The following ALDH8A1 variants were observed in gnomAD, a reference collection of about 807,000 sequenced individuals.
The protein encoded by ALDH8A1 is aldehyde dehydrogenase 8 family member A1.
In ALDH8A1, 39 loss-of-function variants were observed where a neutral mutation model predicts 43.3. That is an observed-to-expected ratio of 0.90 (90% CI 0.70 to 1.18). The LOEUF (loss-of-function observed/expected upper bound fraction) is 1.18. ALDH8A1 is among the 50% of genes most tolerant of loss of function. The pLI, the probability that ALDH8A1 is intolerant of heterozygous loss-of-function variation, is 0.00. For synonymous variants in ALDH8A1, 233 were observed against 243.5 expected, an observed-to-expected ratio of 0.96 and a Z score of 0.40; for missense variants, 605 against 622.6, an observed-to-expected ratio of 0.97 and a Z score of 0.30.
intron 1 of ALDH8A1, among the ~76,000 whole-genome samples, chr6:134,945,715 T>G (rs1353050959): frequency 1.3e-5 from 2 of 152,132 alleles, no homozygotes; most frequent in Non-Finnish European, 2.9e-5. Context: ...CGTGAGCATC[T>G]TTTTTGGGGC....
intron 1 of ALDH8A1, among the ~76,000 whole-genome samples, chr6:134,947,878 G>A (rs1171888265): frequency 1.3e-5 from 2 of 151,680 alleles, no homozygotes; most frequent in Non-Finnish European, 2.9e-5. Flanking sequence ...ACAACAGTAT[G>A]ATCCAGCAAT....
chr6:134,947,286 T>C (rs1222331889), intron 1 of ALDH8A1, among the ~76,000 whole-genome samples: 2 of 152,068 alleles, frequency 1.3e-5, no homozygotes, highest in Non-Finnish European at 2.9e-5. Flanking sequence ...TAAGAAAACA[T>C]AGGGTAAATA....
At chr6:134,930,724 G>C (rs952494848) in intron 5 of ALDH8A1, among the ~76,000 whole-genome samples, 1 of 152,226 alleles carries the variant, frequency 6.6e-6, no homozygotes, top group Non-Finnish European at 1.5e-5. Flanking sequence ...CAGGGAAGGA[G>C]AGCATGACGA....
At chr6:134,920,711 C>G (rs979871346) in intron 6 of ALDH8A1, among the ~76,000 whole-genome samples, 5 of 152,062 alleles carry the variant, frequency 3.3e-5, no homozygotes. Context: ...TCTACCCCAG[C>G]AGCTTGGGAA....
In ALDH8A1 at chr6:134,918,506, C is replaced by T; in HGVS notation, c.1373G>A (p.Gly458Glu). ...ACCTATTCCAGAACTCTTCATCCCC[C>T]CGAAAGGAAGGTTCAGCTCCCTGAT... is the stretch of plus-strand genomic sequence containing the variant. ...WLIRELNLPF[G>E]GMKSSGIGRE... Residue 458 changes from glycine (G) to glutamate (E), a missense_variant, in exon 7 of 7, where the codon GGG (glycine) becomes GAG (glutamate). Gly to Glu is a moderately conservative substitution (Grantham distance 98). Transcript: ENST00000265605. 3 of 1,614,168 alleles carry T rather than the reference C, an allele frequency of 1.9e-6. No homozygotes were observed. Among genetic ancestry groups the T allele is most frequent in the Non-Finnish European group, 2.5e-6 (3 of 1,180,038 alleles).
intron 6 of ALDH8A1, among the ~76,000 whole-genome samples, chr6:134,920,864 C>T (rs1482217920): frequency 1.3e-5 from 2 of 152,094 alleles, no homozygotes; most frequent in Non-Finnish European, 2.9e-5. Context: ...AGTCAGAGTA[C>T]AGGGGTTAGA....
chr6:134,948,351 A>T (rs564326716), intron 1 of ALDH8A1, among the ~76,000 whole-genome samples: 7 of 152,304 alleles, frequency 4.6e-5, no homozygotes, highest in African/African-American at 1.7e-4. Flanking sequence ...TTTATTGTAT[A>T]TTTCACAATA....
At chr6:134,943,560 C>G (rs1773898343) in intron 2 of ALDH8A1, among the ~76,000 whole-genome samples, 1 of 152,226 alleles carries the variant, frequency 6.6e-6, no homozygotes, top group Non-Finnish European at 1.5e-5. Flanking sequence ...TTCCTTTCAT[C>G]CAATGAACAG....
chr6:134,937,386 C>A (rs1293535565), intron 4 of ALDH8A1, among the ~76,000 whole-genome samples: 1 of 152,166 alleles, frequency 6.6e-6, no homozygotes, highest in Non-Finnish European at 1.5e-5. Flanking sequence ...AAACTGAGGG[C>A]TCAAGAGAGG....
In ALDH8A1 at chr6:134,929,047, T is replaced by C. The variant is rs749735779; in HGVS notation, c.1011+7A>G. On this transcript the variant is annotated splice_region_variant and intron_variant, in intron 6 of 6. Coordinates refer to ENST00000265605, the MANE Select transcript of ALDH8A1 (RefSeq NM_022568.4). Reference sequence around the variant, plus strand: ...TTCTGTAACTTACATGGCAGAAATTTACTTACTTTCTCCAAATGTGCTTTA... The same window carrying C: ...TTCTGTAACTTACATGGCAGAAATTCACTTACTTTCTCCAAATGTGCTTTA... 6.2e-7 allele frequency: 1 copy of C among 1,613,064 alleles called. No individual in the cohort carries two copies. Among genetic ancestry groups the C allele is most frequent in the Non-Finnish European group, 8.5e-7 (1 of 1,179,550 alleles).
chr6:134,930,852 C>T (rs914640942), intron 5 of ALDH8A1, among the ~76,000 whole-genome samples: 8 of 152,188 alleles, frequency 5.3e-5, no homozygotes, highest in African/African-American at 1.9e-4. Context: ...CAGTATCATT[C>T]GTTGAGTGCC....
intron 6 of ALDH8A1, among the ~76,000 whole-genome samples, chr6:134,926,521 C>T (rs1353016193): frequency 1.3e-5 from 2 of 152,018 alleles, no homozygotes; most frequent in African/African-American, 2.4e-5. Context: ...TTAAAAAAGG[C>T]AGTGTGGCCA....
At position 134,918,058 on chromosome 6, in the gene ALDH8A1, T is replaced by C; in HGVS notation, c.*357A>G. ...GATTATAGGCATGAGGCACTGTGCC[T>C]GATTGCATATTTTTTAAAATTTACC... On this transcript the variant is annotated 3_prime_UTR_variant, in exon 7 of 7. Transcript: ENST00000265605. 3.8e-6 allele frequency: 1 copy of C among 262,298 alleles called. No homozygotes were observed. Among genetic ancestry groups the C allele is most frequent in the Non-Finnish European group, 7.3e-6 (1 of 136,994 alleles). 16.2% of individuals were successfully genotyped at this position (262,298 alleles called of 1,614,324 possible). A position where few individuals can be genotyped will look rare whatever the true frequency, so the allele number is the denominator to read the frequency against.
intron 1 of ALDH8A1, among the ~76,000 whole-genome samples, chr6:134,944,480 C>T (rs1033617806): frequency 5.9e-5 from 9 of 152,090 alleles, no homozygotes; most frequent in Non-Finnish European, 8.8e-5. Context: ...CAAAGAAACG[C>T]GCTCCATTTC....
At chr6:134,920,532 A>G (rs1776781890) in intron 6 of ALDH8A1, among the ~76,000 whole-genome samples, 1 of 152,174 alleles carries the variant, frequency 6.6e-6, no homozygotes, top group Non-Finnish European at 1.5e-5. Flanking sequence ...CTGGCTTTAG[A>G]CCATTATGTC....
intron 6 of ALDH8A1, among the ~76,000 whole-genome samples, chr6:134,925,211 C>T (rs567185879): frequency 1.3e-5 from 2 of 152,120 alleles, no homozygotes; most frequent in South Asian, 2.1e-4. Context: ...CTACTTGTGA[C>T]GTAAGCTGGA....
chr6:134,931,709 G>T (rs1776988710), intron 5 of ALDH8A1, among the ~76,000 whole-genome samples: 1 of 152,168 alleles, frequency 6.6e-6, no homozygotes. Flanking sequence ...GATTAAATTA[G>T]TTGTATTGTA....
In ALDH8A1 at chr6:134,918,322, G is replaced by C. The variant is rs746377557; in HGVS notation, c.*93C>G. The C allele has an allele frequency of 2.3e-5, 29 of 1,252,518 alleles. No individual in the cohort carries two copies. The highest frequency in any genetic ancestry group is 3.1e-5 in the Non-Finnish European group (28 of 891,028). 77.6% of individuals were successfully genotyped at this position (1,252,518 alleles called of 1,614,324 possible). On this transcript the variant is annotated 3_prime_UTR_variant, in exon 7 of 7. Coordinates refer to ENST00000265605, the MANE Select transcript of ALDH8A1 (RefSeq NM_022568.4). ...TAACCTTCTGCCAAGTCAAGGCATAGCTGGAATTCATGCCATGATTTTCAT... is the reference window on the plus strand; with the variant it reads ...TAACCTTCTGCCAAGTCAAGGCATACCTGGAATTCATGCCATGATTTTCAT...
chr6:134,949,448 G>T (rs943944529), intron 1 of ALDH8A1, among the ~76,000 whole-genome samples: 1 of 152,136 alleles, frequency 6.6e-6, no homozygotes, highest in African/African-American at 2.4e-5. Context: ...GTATTTTGAA[G>T]ACATGACAAA....
Sources: allele counts gnomAD v4.1 joint callset (sites outside exome capture counted in the v4.1 genomes callset), GRCh38; gene constraint gnomAD v4.1.1; transcripts MANE v1.5; gene names NCBI Gene and HGNC (gene_info 2026-07-23, HGNC 2026-07-21).